MORC3: variants seen among roughly 807,000 people sequenced by gnomAD.
MORC3 encodes MORC family CW-type zinc finger 3.
A neutral mutation model predicts 109.1 loss-of-function variants in MORC3; 31 were observed. The ratio of observed to expected loss-of-function variants is 0.28; its 90% CI spans 0.21 to 0.38. MORC3 has a LOEUF of 0.38. MORC3 is among the 10% of genes least tolerant of loss of function. MORC3 has a pLI of 1.00. For missense variants in MORC3, 867 were observed against 1,135.8 expected, an observed-to-expected ratio of 0.76 and a Z score of 3.40; for synonymous variants, 395 against 380.7, an observed-to-expected ratio of 1.04 and a Z score of -0.44.
chr21:36,337,756 C>T lies in MORC3; in HGVS notation c.270C>T (p.Thr90=), dbSNP rs776699157. Residue 90 remains threonine (T), a synonymous_variant, in exon 4 of 17, where the codon ACC becomes ACT. Coordinates refer to ENST00000400485, the MANE Select transcript of MORC3 (RefSeq NM_015358.3). ...GCTTTGGCTTCAGTGACAAAGTCAC[C>T]ATGAATGGTCATGTCCCAGTTGGAT... The part of the protein sequence containing the change: ...MLSFGFSDKV[T]MNGHVPVGLY... The T allele has an allele frequency of 3.1e-6, 5 of 1,611,062 alleles. No homozygotes were observed. The highest frequency in any genetic ancestry group is 4.2e-6 in the Non-Finnish European group (5 of 1,178,468).
chr21:36,357,998 C>T (rs538906905), intron 10 of MORC3, among the ~76,000 whole-genome samples: 1 of 151,854 alleles, frequency 6.6e-6, no homozygotes, highest in Admixed American at 6.6e-5. Flanking sequence ...GCCTTGGCCT[C>T]CCAAAGTGCT....
At chr21:36,371,896 C>T (rs1351050745) in intron 15 of MORC3, among the ~76,000 whole-genome samples, 2 of 151,804 alleles carry the variant, frequency 1.3e-5, no homozygotes, top group African/African-American at 4.8e-5. Context: ...TCACCGCAAC[C>T]TCCACCTCCT....
chr21:36,328,999 A>C (rs2085282239), intron 1 of MORC3, among the ~76,000 whole-genome samples: 1 of 151,994 alleles, frequency 6.6e-6, no homozygotes, highest in Non-Finnish European at 1.5e-5. Context: ...TAACGTTTTA[A>C]GAAAGTTTAC....
intron 8 of MORC3, among the ~76,000 whole-genome samples, chr21:36,346,821 A>T (rs1010502552): frequency 6.9e-6 from 1 of 144,680 alleles, no homozygotes; most frequent in African/African-American, 2.5e-5. Flanking sequence ...ACAAACAAAC[A>T]AACAAAAATC....
intron 8 of MORC3, chr21:36,348,116 AAT>A (rs753415365): frequency 6.6e-6 from 1 of 152,232 alleles, no homozygotes; most frequent in African/African-American, 2.4e-5. Context: ...TCATGAACAA[AAT>A]ATACTTGTTA....
At chr21:36,370,431 A>T (rs1018326889) in intron 15 of MORC3, among the ~76,000 whole-genome samples, 2 of 151,826 alleles carry the variant, frequency 1.3e-5, no homozygotes, top group South Asian at 2.1e-4. Flanking sequence ...CAGAATACCA[A>T]TATTAACTTA....
Position 36,349,335 on chromosome 21 carries a change from G to T in MORC3, c.1030G>T (p.Val344Phe). 1 of 1,609,462 alleles carries T rather than the reference G, an allele frequency of 6.2e-7. No individual in the cohort carries two copies. The highest frequency in any genetic ancestry group is 8.5e-7 in the Non-Finnish European group (1 of 1,178,778). ...LRANNMGVGV[V>F]GIIECNFLKP... ...GGCAAACAACATGGGTGTTGGAGTG[G>T]TTGGAATTATAGAGTGTAATTTCCT... The change falls in exon 9 of 17, where the codon GTT (valine) becomes TTT (phenylalanine). Residue 344 changes from valine (V) to phenylalanine (F), a missense_variant. By Grantham distance (50) the Val-to-Phe change is conservative (BLOSUM62 -1). Around this residue, in one of 7 missense-constraint regions of MORC3, gnomAD observed 120 missense variants for 259.7 expected, o/e 0.46. Coordinates refer to ENST00000400485, the MANE Select transcript of MORC3 (RefSeq NM_015358.3).
At chr21:36,355,593 T>C (rs1204889458) in intron 9 of MORC3, among the ~76,000 whole-genome samples, 1 of 152,154 alleles carries the variant, frequency 6.6e-6, no homozygotes, top group Non-Finnish European at 1.5e-5. Flanking sequence ...TCCTCTTTTT[T>C]GCTAATAAGT....
At chr21:36,340,040 A>G (rs1481412356) in intron 5 of MORC3, among the ~76,000 whole-genome samples, 1 of 152,164 alleles carries the variant, frequency 6.6e-6, no homozygotes, top group East Asian at 1.9e-4. Context: ...GCACTTTGGG[A>G]GGCTGAGGCG....
chr21:36,358,628 TA>T (rs1314809700), intron 10 of MORC3, among the ~76,000 whole-genome samples: 1 of 151,710 alleles, frequency 6.6e-6, no homozygotes, highest in Non-Finnish European at 1.5e-5. Context: ...AAAAAATAAT[TA>T]AAAAAATAAA....
intron 1 of MORC3, among the ~76,000 whole-genome samples, chr21:36,322,815 TG>T (rs1347833816): frequency 6.6e-6 from 1 of 152,190 alleles, no homozygotes; most frequent in African/African-American, 2.4e-5. Context: ...TTTTTGTTGT[TG>T]ATTTTTTTTT....
At chr21:36,321,282 T>A (rs4817794) in intron 1 of MORC3, among the ~76,000 whole-genome samples, 1 of 151,988 alleles carries the variant, frequency 6.6e-6, no homozygotes, top group East Asian at 1.9e-4. Flanking sequence ...TGAAATGATA[T>A]TTGCTTTTAC....
intron 12 of MORC3, among the ~76,000 whole-genome samples, chr21:36,361,343 A>T (rs1312330024): frequency 1.3e-5 from 2 of 151,382 alleles, no homozygotes; most frequent in Admixed American, 6.6e-5. Flanking sequence ...CAGGAGTTTG[A>T]TACCAGCCTG....
chr21:36,369,906 G>A (rs922966165), intron 15 of MORC3, 30 bp downstream of exon 15: 1 of 1,596,696 alleles, frequency 6.3e-7, no homozygotes, highest in African/African-American at 1.3e-5. Context: ...ATGTAGTCAT[G>A]GAGTCCAGGG....
rs753667181 is a variant in MORC3 at position 36,362,227 on chromosome 21, G to A, written c.1451G>A (p.Arg484Gln). 31 of 1,603,508 alleles carry A rather than the reference G, an allele frequency of 1.9e-5. No homozygotes were observed. Among genetic ancestry groups the A allele is most frequent in the Middle Eastern group, 1.7e-4 (1 of 6,038 alleles). The change falls in exon 13 of 17, where the codon CGG (arginine) becomes CAG (glutamine). Residue 484 changes from arginine (R) to glutamine (Q), a missense_variant and splice_region_variant. Coordinates refer to ENST00000400485, the MANE Select transcript of MORC3 (RefSeq NM_015358.3). The part of the protein sequence containing the change: ...FRIRQPEMIP[R>Q]INAELLFRPT... ...ATCAGACAACCGGAAATGATCCCTC[G>A]GGTAATTAAGCCTTCTTTTTTTTTT...
chr21:36,371,821 T>G (rs190394261), intron 15 of MORC3, among the ~76,000 whole-genome samples: 124 of 151,304 alleles, frequency 8.2e-4, no homozygotes, highest in South Asian at 7.9e-3. Flanking sequence ...TTTTGTTTTT[T>G]TTTTTTTTTG....
chr21:36,325,440 G>A (rs1169777844), intron 1 of MORC3, among the ~76,000 whole-genome samples: 2 of 151,522 alleles, frequency 1.3e-5, no homozygotes, highest in Non-Finnish European at 1.5e-5. Context: ...CTGTTTGTTT[G>A]ATTATTTGTT....
chr21:36,349,445 A>G (rs781752734), intron 9 of MORC3, 37 bp downstream of exon 9: 1 of 1,350,086 alleles, frequency 7.4e-7, no homozygotes, highest in South Asian at 1.3e-5. Context: ...TGAGGTTCCT[A>G]GGAAATGTAT....
chr21:36,321,152 C>CA, intron 1 of MORC3, among the ~76,000 whole-genome samples: 1 of 152,190 alleles, frequency 6.6e-6, no homozygotes, highest in African/African-American at 2.4e-5. Context: ...TGGGTAGTGA[C>CA]TCCTTGGGGT....
Sources: gnomAD v4.1 joint callset for allele counts (sites outside exome capture counted in the v4.1 genomes callset) on GRCh38, gnomAD v4.1.1 for gene constraint, gnomAD v4.1.1 regional missense constraint, MANE v1.5 for transcripts, NCBI Gene and HGNC (gene_info 2026-07-23, HGNC 2026-07-21) for gene names.